Variants in BACC1 observed in about 807,000 individuals in gnomAD.
The protein encoded by BACC1 is BPTF associated chromatin complex component 1, also known as BPTF-associated chromatin complex component 1.
the BACC1 span, chr17:7,017,401 G>A: frequency 2.9e-6 from 4 of 1,385,214 alleles, no homozygotes; most frequent in Non-Finnish European, 4.1e-6. Flanking sequence ...GCACGAGAGA[G>A]GGCTGAAAGG....
the BACC1 span, chr17:7,017,302 C>T: frequency 1.9e-6 from 3 of 1,613,276 alleles, no homozygotes; most frequent in Admixed American, 5.0e-5. Flanking sequence ...TCTGCTGATC[C>T]TCCTCTCCTC....
chr17:7,017,004 C>T, the BACC1 span: 2 of 1,612,630 alleles, frequency 1.2e-6, no homozygotes. Context: ...AGAAACTCAA[C>T]TTCGACCAGG....
At chr17:7,016,960 G>A in the BACC1 span, 4 of 1,614,118 alleles carry the variant, frequency 2.5e-6, no homozygotes, top group South Asian at 4.4e-5. Flanking sequence ...TGACGTGGTG[G>A]ATATTGAAGG....
At chr17:7,017,012 A>G in the BACC1 span, 6 of 1,609,134 alleles carry the variant, frequency 3.7e-6, no homozygotes, top group Non-Finnish European at 5.1e-6. Context: ...AACTTCGACC[A>G]GGGTAGGAGT....
the BACC1 span, chr17:7,016,412 C>A: frequency 7.4e-6 from 11 of 1,486,468 alleles, no homozygotes; most frequent in South Asian, 1.1e-4. Flanking sequence ...TGAAGGGACT[C>A]CCAGAACCCC....
chr17:7,016,646 C>G, the BACC1 span: 1 of 1,613,700 alleles, frequency 6.2e-7, no homozygotes, highest in Non-Finnish European at 8.5e-7. Flanking sequence ...CTCCAGTGTC[C>G]CTGAGGCCGG....
chr17:7,015,246 A>G, the BACC1 span: 8 of 1,445,910 alleles, frequency 5.5e-6, no homozygotes, highest in Non-Finnish European at 7.2e-6. Context: ...AGGGACAGAC[A>G]TTAGTTTCCC....
chr17:7,015,792 G>A, the BACC1 span: 5 of 1,614,014 alleles, frequency 3.1e-6, no homozygotes, highest in Non-Finnish European at 3.4e-6. Flanking sequence ...GGACGGAGAC[G>A]GAAATAGAGA....
the BACC1 span, chr17:7,014,959 CGGGCGGG>C: frequency 8.0e-7 from 1 of 1,253,556 alleles, no homozygotes; most frequent in East Asian, 6.5e-5. The surrounding 1 kb of genome is among the most constrained non-coding windows in gnomAD (Gnocchi z 4.5). Context: ...TCTTCCGCCC[CGGGCGGG>C]GGGCGGGCGG....
chr17:7,014,786 T>G, the BACC1 span: 1 of 1,516,014 alleles, frequency 6.6e-7, no homozygotes, highest in Non-Finnish European at 8.8e-7. This position sits in a 1 kb window ranked among gnomAD's most constrained non-coding sequence, Gnocchi z 4.5. Flanking sequence ...CCGCTCAGTC[T>G]CCCTGCTCTC....
At chr17:7,015,609 T>C in the BACC1 span, 1 of 1,354,626 alleles carries the variant, frequency 7.4e-7, no homozygotes, top group Non-Finnish European at 9.8e-7. Context: ...CCGCAGGGCC[T>C]CAAGAGCTTT....
the BACC1 span, chr17:7,015,800 A>G: frequency 2.5e-6 from 4 of 1,613,890 alleles, no homozygotes; most frequent in South Asian, 1.1e-5. Flanking sequence ...ACGGAAATAG[A>G]GATGCTGAGG....
At chr17:7,016,904 TC>T in the BACC1 span, 1 of 1,611,030 alleles carries the variant, frequency 6.2e-7, no homozygotes, top group Non-Finnish European at 8.5e-7. Context: ...TATGCCCCCT[TC>T]CCAGATGTGA....
chr17:7,016,364 ACCCT>A, the BACC1 span: 1 of 888,658 alleles, frequency 1.1e-6, no homozygotes, highest in Non-Finnish European at 1.7e-6. Flanking sequence ...GAAAGTGAGA[ACCCT>A]ACCAATGGGT....
chr17:7,016,151 T>C, the BACC1 span: 20 of 523,052 alleles, frequency 3.8e-5, no homozygotes, highest in Admixed American at 2.6e-4. Flanking sequence ...TTTATATAAA[T>C]GTTTGAGGAC....
the BACC1 span, chr17:7,014,902 G>C: frequency 6.6e-7 from 1 of 1,513,866 alleles, no homozygotes; most frequent in Non-Finnish European, 8.8e-7. This position sits in a 1 kb window ranked among gnomAD's most constrained non-coding sequence, Gnocchi z 4.5. Flanking sequence ...CGCGGACAGC[G>C]CTCCCTGGCG....
the BACC1 span, chr17:7,017,391 G>A: frequency 1.4e-6 from 2 of 1,445,522 alleles, no homozygotes; most frequent in Admixed American, 1.7e-5. Flanking sequence ...AGCAAGGCCT[G>A]CACGAGAGAG....
the BACC1 span, chr17:7,015,484 C>T: frequency 7.3e-7 from 1 of 1,371,098 alleles, no homozygotes; most frequent in East Asian, 2.9e-5. Flanking sequence ...AAAAGCCCTT[C>T]CTGGCGAGTT....
chr17:7,016,434 TC>T, the BACC1 span: 17 of 1,560,358 alleles, frequency 1.1e-5, no homozygotes, highest in Non-Finnish European at 1.5e-5. Flanking sequence ...TCCCCTCCCG[TC>T]CCCTCTTCTG....
Sources: allele counts gnomAD v4.1 joint callset, GRCh38; gene constraint gnomAD v4.1.1; non-coding constraint Gnocchi (gnomAD v3.1); transcripts MANE v1.5; gene names NCBI Gene and HGNC (gene_info 2026-07-23, HGNC 2026-07-21).